The following PXK variants were observed in gnomAD, a reference collection of about 807,000 sequenced individuals.
PXK encodes the protein PX domain containing serine/threonine kinase like, also known as PX domain-containing protein kinase-like protein.
PXK carries 35 observed loss-of-function variants against 84.7 expected under a neutral mutation model. The observed-to-expected ratio is 0.41, with a 90% confidence interval of 0.32 to 0.55. PXK has a LOEUF of 0.55. Ranked by LOEUF, PXK falls within the 20% of genes least tolerant of loss-of-function variation. The pLI, the probability that PXK is intolerant of heterozygous loss-of-function variation, is 0.21. For missense variants in PXK, 634 were observed against 699.7 expected (o/e 0.91, Z 1.06); for synonymous variants, 253 against 260.8 (o/e 0.97, Z 0.29).
intron 17 of PXK, among the ~76,000 whole-genome samples, chr3:58,417,906 A>T (rs769152168): frequency 6.6e-6 from 1 of 152,154 alleles, no homozygotes; most frequent in Non-Finnish European, 1.5e-5. Context: ...CAGTGGTGCA[A>T]TCACGGCTCA....
chr3:58,336,329 G>T (rs112975821), intron 1 of PXK, among the ~76,000 whole-genome samples: 4,158 of 152,096 alleles, frequency 0.027, 87 homozygotes, highest in Non-Finnish European at 0.044. Flanking sequence ...CCACCAGAAA[G>T]GCATATTTGG....
rs1164560570 is a variant in PXK at position 58,390,565 on chromosome 3, C to T, written c.389-17C>T. ...CCTGATATGTCTGACTAATGGGTTTCTAAAATGTCTTTGCAGAGATTGCCT... is the reference window on the plus strand; with the variant it reads ...CCTGATATGTCTGACTAATGGGTTTTTAAAATGTCTTTGCAGAGATTGCCT... On this transcript the variant is annotated splice_polypyrimidine_tract_variant and intron_variant, in intron 4 of 17. Coordinates refer to ENST00000356151, the MANE Select transcript of PXK (RefSeq NM_017771.5). This position sits in a 1 kb window ranked among gnomAD's most constrained non-coding sequence, Gnocchi z 4.2. The T allele has an allele frequency of 6.2e-7, 1 of 1,607,466 alleles. No individual in the cohort carries two copies.
chr3:58,350,908 C>T (rs11708590), intron 1 of PXK, among the ~76,000 whole-genome samples: 11,078 of 152,186 alleles, frequency 0.073, 522 homozygotes, highest in South Asian at 0.1. Flanking sequence ...GTACGTTATC[C>T]TAAGTGATGG....
At position 58,401,499 on chromosome 3, in the gene PXK, A is replaced by G. The variant is rs993916281; in HGVS notation, c.1181+2122A>G. 6.6e-6 allele frequency among the ~76,000 whole-genome samples: 1 copy of G among 152,098 alleles called. No homozygotes were observed. Among genetic ancestry groups the G allele is most frequent in the Non-Finnish European group, 1.5e-5 (1 of 68,016 alleles). ...TAGCTAGGCGTGGTGGTGTGCACCA[A>G]GTAATAATCCCAGCTACTTGGAAGG... On this transcript the variant is annotated intron_variant, in intron 12 of 17. Transcript: ENST00000356151. The surrounding 1 kb of genome is among the most constrained non-coding windows in gnomAD (Gnocchi z 4.4).
chr3:58,396,910 T>G, intron 9 of PXK, 129 bp from the exon 10 acceptor site: 1 of 1,004,984 alleles, frequency 1.0e-6, no homozygotes, highest in Non-Finnish European at 1.4e-6. Context: ...GGTGGCATTT[T>G]TCTTCAGGAA....
Position 58,425,609 on chromosome 3 carries a change from GTTC to G in PXK, c.*652_*654del, listed in dbSNP as rs1204716619. ...CTAAAGCAACTACTCTAGACCCATA[GTTC>G]TTTTTAGTTAGATGTATTGAAACAG... On this transcript the variant is annotated 3_prime_UTR_variant, in exon 18 of 18. Transcript: ENST00000356151. 6.6e-6 allele frequency: 1 copy of G among 152,162 alleles called. No homozygotes were observed. Among genetic ancestry groups the G allele is most frequent in the Non-Finnish European group, 1.5e-5 (1 of 68,040 alleles). The allele number at this position is 152,162 out of a possible 1,614,324, so 9.4% of individuals were successfully genotyped here. A position where few individuals can be genotyped will look rare whatever the true frequency, so the allele number is the denominator to read the frequency against.
intron 17 of PXK, 87 bp from the exon 18 acceptor site, chr3:58,424,665 C>T (rs1027054336): frequency 4.0e-6 from 6 of 1,502,982 alleles, no homozygotes; most frequent in Non-Finnish European, 5.4e-6. Context: ...GGACTCTCAC[C>T]AGTCCGTTGT....
chr3:58,348,788 C>G (rs1302258305), intron 1 of PXK, among the ~76,000 whole-genome samples: 1 of 151,686 alleles, frequency 6.6e-6, no homozygotes, highest in African/African-American at 2.4e-5. Context: ...GGTGGCATAC[C>G]TGTAGTCTCA....
rs1234493102 is a variant in PXK at position 58,364,505 on chromosome 3, A to T, written c.103-1369A>T. On this transcript the variant is annotated intron_variant, in intron 1 of 17. Coordinates refer to ENST00000356151, the MANE Select transcript of PXK (RefSeq NM_017771.5). The surrounding 1 kb of genome is among the most constrained non-coding windows in gnomAD (Gnocchi z 4.3). ...GGTGGGCGGATTACTTGAGGTCAGG[A>T]GTTCGAGACCAGCTGGGCCAATATG... is the stretch of plus-strand genomic sequence containing the variant. Among the ~76,000 whole-genome samples the T allele has an allele frequency of 6.6e-6, 1 of 152,142 alleles. No individual in the cohort carries two copies. The highest frequency in any genetic ancestry group is 1.5e-5 in the Non-Finnish European group (1 of 68,022).
chr3:58,421,679 C>G lies in PXK; in HGVS notation c.1529-3073C>G, dbSNP rs548346818. 1 of 988,288 alleles carries G rather than the reference C, an allele frequency of 1.0e-6. No homozygotes were observed. Among genetic ancestry groups the G allele is most frequent in the African/African-American group, 1.7e-5 (1 of 57,452 alleles). 61.2% of individuals were successfully genotyped at this position (988,288 alleles called of 1,614,324 possible). The stretch of plus-strand genomic sequence containing the variant: ...CATTCCTCCCTAGATCTGACCTACG[C>G]TCTCCCTGCAGCATTCTCTGCCCTC... On this transcript the variant is annotated intron_variant, in intron 17 of 17. Transcript: ENST00000356151. This position sits in a 1 kb window ranked among gnomAD's most constrained non-coding sequence, Gnocchi z 5.5.
Position 58,409,534 on chromosome 3 carries a change from T to A in PXK, c.1311T>A (p.Ile437=). The A allele has an allele frequency of 6.2e-7, 1 of 1,612,722 alleles. No individual in the cohort carries two copies. Among genetic ancestry groups the A allele is most frequent in the South Asian group, 1.1e-5 (1 of 90,922 alleles). Residue 437 remains isoleucine (I), a splice_region_variant and synonymous_variant, in exon 15 of 18, where the codon ATT becomes ATA. Coordinates refer to ENST00000356151, the MANE Select transcript of PXK (RefSeq NM_017771.5). The surrounding 1 kb of genome is among the most constrained non-coding windows in gnomAD (Gnocchi z 4.2). ...TTACATCTTATGGTCTTTTAAAGAT[T>A]CACCAGCATCGAAGACTGACAAGAG... The part of the protein sequence containing the change: ...EKRLIEEQKQ[I]HQHRRLTRAQ...
chr3:58,389,595 G>A (rs2098601850), intron 4 of PXK, among the ~76,000 whole-genome samples: 1 of 152,054 alleles, frequency 6.6e-6, no homozygotes, highest in Non-Finnish European at 1.5e-5. Flanking sequence ...GGTCGAGATG[G>A]GCGGATCTCT....
At chr3:58,369,620 G>A (rs548864854) in intron 3 of PXK, 142 bp downstream of exon 3, 67 of 593,556 alleles carry the variant, frequency 1.1e-4, no homozygotes, top group African/African-American at 4.7e-4. Flanking sequence ...GAGGTCAGGC[G>A]TTCAAGACCA....
At position 58,410,174 on chromosome 3, in the gene PXK, A is replaced by G; in HGVS notation, c.1465+15A>G. On this transcript the variant is annotated intron_variant, in intron 16 of 17. Transcript: ENST00000356151. Reference sequence around the variant, plus strand: ...CAATAATTCAGGTAACTGGTTATAGATGGTAGTGGGGCCCAGGACACAGAG... The same window carrying G: ...CAATAATTCAGGTAACTGGTTATAGGTGGTAGTGGGGCCCAGGACACAGAG... 6.5e-7 allele frequency: 1 copy of G among 1,548,854 alleles called. No individual in the cohort carries two copies. The highest frequency in any genetic ancestry group is 1.7e-5 in the Admixed American group (1 of 59,902).
At chr3:58,375,788 T>C (rs1394521208) in intron 3 of PXK, among the ~76,000 whole-genome samples, 3 of 152,170 alleles carry the variant, frequency 2.0e-5, no homozygotes, top group Admixed American at 2.0e-4. Context: ...ACTGGAAACA[T>C]GGCATAAATA....
rs1465997963 is a variant in PXK, at chr3:58,411,260, G to A, written c.1465+1101G>A. 1.3e-5 allele frequency among the ~76,000 whole-genome samples: 2 copies of A among 152,338 alleles called. No individual in the cohort carries two copies. Among genetic ancestry groups the A allele is most frequent in the Non-Finnish European group, 1.5e-5 (1 of 68,032 alleles). The stretch of plus-strand genomic sequence containing the variant: ...CACAGCTGGAGAATGCAAGTGGCAT[G>A]ACCAGAGCTGGAGATTGGCAGCCCT... On this transcript the variant is annotated intron_variant, in intron 16 of 17. Transcript: ENST00000356151. The surrounding 1 kb of genome is among the most constrained non-coding windows in gnomAD (Gnocchi z 4.2).
chr3:58,335,013 A>G (rs1575590000), intron 1 of PXK, among the ~76,000 whole-genome samples: 2 of 84,118 alleles, frequency 2.4e-5, no homozygotes, highest in African/African-American at 4.7e-5. Flanking sequence ...CATGTTGTCC[A>G]GGCTGGTGTG....
chr3:58,395,119 A>C lies in PXK; in HGVS notation c.720+17A>C. On this transcript the variant is annotated intron_variant, in intron 8 of 17. Coordinates refer to ENST00000356151, the MANE Select transcript of PXK (RefSeq NM_017771.5). ...ATCTACAAGGTACCTGTGCAAGTTC[A>C]TGGTCATAAGGAATTCTCAAGTTCC... 4 of 1,568,376 alleles carry C rather than the reference A, an allele frequency of 2.6e-6. No homozygotes were observed. Among genetic ancestry groups the C allele is most frequent in the Non-Finnish European group, 3.5e-6 (4 of 1,139,408 alleles).
chr3:58,332,980 C>G lies in PXK; in HGVS notation c.-9C>G. ...GCGTCCCTAGGCGGCGGCGGCCGGG[C>G]GTCCCGGGATGGCCTTCATGGAGAA... On this transcript the variant is annotated 5_prime_UTR_variant, in exon 1 of 18. Transcript: ENST00000356151. The surrounding 1 kb of genome is among the most constrained non-coding windows in gnomAD (Gnocchi z 5.6). 1 of 1,355,702 alleles carries G rather than the reference C, an allele frequency of 7.4e-7. No individual in the cohort carries two copies. The highest frequency in any genetic ancestry group is 9.6e-7 in the Non-Finnish European group (1 of 1,041,010). The allele number at this position is 1,355,702 out of a possible 1,614,324, so 84.0% of individuals were successfully genotyped here.
Sources: allele counts gnomAD v4.1 joint callset (sites outside exome capture counted in the v4.1 genomes callset), GRCh38; gene constraint gnomAD v4.1.1; non-coding constraint Gnocchi (gnomAD v3.1); transcripts MANE v1.5; gene names NCBI Gene and HGNC (gene_info 2026-07-23, HGNC 2026-07-21).